Variants in HTR4 observed in about 807,000 individuals in gnomAD.
The protein encoded by HTR4 is 5-hydroxytryptamine receptor 4.
In HTR4, 16 loss-of-function variants were observed where a neutral mutation model predicts 36.8. The ratio of observed to expected loss-of-function variants is 0.43; its 90% CI spans 0.29 to 0.66. The LOEUF is 0.66. Among genes scored for constraint, HTR4 ranks in the 30% least tolerant of loss-of-function variants. HTR4 has a pLI of 0.13. For synonymous variants in HTR4, 189 were observed against 185.1 expected (o/e 1.02, Z -0.17); for missense variants, 438 against 490.9 (o/e 0.89, Z 1.02).
At chr5:148,457,643 ATTTAATATATCATTAAAATATAT>A (rs1229086504) in intron 5 of HTR4, among the ~76,000 whole-genome samples, 62 of 147,654 alleles carry the variant, frequency 4.2e-4, no homozygotes, top group Admixed American at 9.5e-4. Context: ...ATTAATATAT[ATTTAATATATCATTAAAATATAT>A]TTTAATATAT....
At chr5:148,492,636 T>C (rs545806146) in intron 6 of HTR4, among the ~76,000 whole-genome samples, 1 of 152,368 alleles carries the variant, frequency 6.6e-6, no homozygotes, top group South Asian at 2.1e-4. Context: ...TTCCATTGAT[T>C]GAGTGCTTTC....
chr5:148,556,813 T>G (rs568946926), intron 2 of HTR4, among the ~76,000 whole-genome samples: 208 of 152,200 alleles, frequency 1.4e-3, no homozygotes, highest in African/African-American at 4.9e-3. Flanking sequence ...GTATAAAAGG[T>G]GTAAACATGA....
At chr5:148,600,449 C>T (rs1761947098) in intron 2 of HTR4, among the ~76,000 whole-genome samples, 1 of 149,832 alleles carries the variant, frequency 6.7e-6, no homozygotes. Flanking sequence ...ATGACATATT[C>T]CTATATGTAG....
intron 2 of HTR4, among the ~76,000 whole-genome samples, chr5:148,580,379 T>C (rs1412458603): frequency 6.6e-6 from 1 of 152,050 alleles, no homozygotes; most frequent in Non-Finnish European, 1.5e-5. Flanking sequence ...AATAAATGTA[T>C]CCATCATGCC....
chr5:148,499,754 TG>T (rs1268583181), intron 6 of HTR4, among the ~76,000 whole-genome samples: 3 of 152,204 alleles, frequency 2.0e-5, no homozygotes, highest in African/African-American at 7.2e-5. Context: ...GTGAGGTGTC[TG>T]GGTTATGGGG....
intron 1 of HTR4, among the ~76,000 whole-genome samples, chr5:148,638,625 C>T (rs556178867): frequency 4.0e-4 from 61 of 151,812 alleles, no homozygotes; most frequent in Admixed American, 3.4e-3. Flanking sequence ...TTCTCATCTC[C>T]GACACAAAAA....
At chr5:148,535,829 T>C (rs1758791129) in intron 4 of HTR4, among the ~76,000 whole-genome samples, 2 of 152,136 alleles carry the variant, frequency 1.3e-5, no homozygotes, top group Admixed American at 1.3e-4. Flanking sequence ...AAATGATTTA[T>C]GGAAACTCCC....
At chr5:148,611,222 T>C (rs894227572) in intron 2 of HTR4, among the ~76,000 whole-genome samples, 1 of 147,152 alleles carries the variant, frequency 6.8e-6, no homozygotes, top group African/African-American at 2.5e-5. Flanking sequence ...AGACACATAA[T>C]TGTCAGATTC....
intron 2 of HTR4, among the ~76,000 whole-genome samples, chr5:148,590,644 C>G (rs1761528679): frequency 1.3e-5 from 2 of 152,070 alleles, no homozygotes; most frequent in African/African-American, 4.8e-5. Context: ...ATCCTTCATA[C>G]TTAAGTGAGA....
intron 2 of HTR4, among the ~76,000 whole-genome samples, chr5:148,553,849 CT>C (rs1759809778): frequency 6.6e-6 from 1 of 152,172 alleles, no homozygotes; most frequent in Non-Finnish European, 1.5e-5. Context: ...TATAGAATGC[CT>C]ATGTGATCCC....
intron 6 of HTR4, among the ~76,000 whole-genome samples, chr5:148,488,369 G>T (rs1054280110): frequency 5.9e-5 from 9 of 152,184 alleles, no homozygotes; most frequent in African/African-American, 1.7e-4. Context: ...CAAACACAGT[G>T]CAGGCGTCAG....
chr5:148,602,355 T>C (rs1282564625), intron 2 of HTR4, among the ~76,000 whole-genome samples: 1 of 152,260 alleles, frequency 6.6e-6, no homozygotes, highest in Admixed American at 6.5e-5. Flanking sequence ...TATTTGGAAA[T>C]TATGCAATAT....
At chr5:148,624,582 A>C (rs892310027) in intron 2 of HTR4, among the ~76,000 whole-genome samples, 2 of 152,184 alleles carry the variant, frequency 1.3e-5, no homozygotes, top group African/African-American at 4.8e-5. Context: ...ATTAGCAATC[A>C]CATGCCAGGA....
chr5:148,460,209 CAG>C (rs1755238981), intron 5 of HTR4, among the ~76,000 whole-genome samples: 1 of 149,838 alleles, frequency 6.7e-6, no homozygotes, highest in African/African-American at 2.5e-5. Context: ...TAGAAAGAAA[CAG>C]AAGAAATATT....
At chr5:148,610,375 C>A (rs189699090) in intron 2 of HTR4, among the ~76,000 whole-genome samples, 1 of 152,140 alleles carries the variant, frequency 6.6e-6, no homozygotes, top group Non-Finnish European at 1.5e-5. Flanking sequence ...GACCCGTGAC[C>A]CCCGAGCAGC....
chr5:148,520,642 T>C (rs1019732652), intron 5 of HTR4, among the ~76,000 whole-genome samples: 1 of 152,226 alleles, frequency 6.6e-6, no homozygotes, highest in South Asian at 2.1e-4. Flanking sequence ...ATCTACTTCA[T>C]AATGTTGTTG....
intron 6 of HTR4, among the ~76,000 whole-genome samples, chr5:148,503,319 G>T (rs147684356): frequency 0.016 from 2,400 of 152,332 alleles, 34 homozygotes; most frequent in Middle Eastern, 0.048. Flanking sequence ...CAAGCCAGAA[G>T]AGGGTGGGGG....
intron 4 of HTR4, among the ~76,000 whole-genome samples, chr5:148,544,921 T>C (rs1759315054): frequency 6.6e-6 from 1 of 152,216 alleles, no homozygotes; most frequent in Admixed American, 6.5e-5. Flanking sequence ...GTAGCAGCTC[T>C]AGAGAGAAGG....
At chr5:148,452,788 C>T (rs988855932) in intron 5 of HTR4, among the ~76,000 whole-genome samples, 3 of 152,048 alleles carry the variant, frequency 2.0e-5, no homozygotes, top group African/African-American at 7.2e-5. Context: ...CCAGATAGGT[C>T]AGTGTTAAGA....
Sources: gnomAD v4.1 joint callset for allele counts (sites outside exome capture counted in the v4.1 genomes callset) on GRCh38, gnomAD v4.1.1 for gene constraint, MANE v1.5 for transcripts, NCBI Gene and HGNC (gene_info 2026-07-23, HGNC 2026-07-21) for gene names.